Variants in SEC24A observed in about 807,000 individuals in gnomAD.
The protein encoded by SEC24A is SEC24 homolog A, COPII component.
SEC24A carries 93 observed loss-of-function variants against 129.4 expected under a neutral mutation model. The observed-to-expected ratio is 0.72, with a 90% CI of 0.61 to 0.85. The LOEUF is 0.85. Ranked by LOEUF, SEC24A falls within the 40% of genes least tolerant of loss-of-function variation. The pLI, the probability that SEC24A is intolerant of heterozygous loss-of-function variation, is 0.00. For missense variants in SEC24A, 1,264 were observed against 1,307.4 expected (o/e 0.97, Z 0.51); for synonymous variants, 460 against 467.3 (o/e 0.98, Z 0.20).
Position 134,725,945 on chromosome 5 carries a change from A to G in SEC24A, c.*851A>G, listed in dbSNP as rs1386172765. The G allele has an allele frequency of 1.3e-5, 2 of 152,204 alleles. No homozygotes were observed. Among genetic ancestry groups the G allele is most frequent in the Non-Finnish European group, 2.9e-5 (2 of 67,960 alleles). 9.4% of individuals were successfully genotyped at this position (152,204 alleles called of 1,614,324 possible). ...GCATTTCTGCTCTGGGTATATAATAAAAGTGGGGGTTTTTGGTGAAATGAG... is the reference window on the plus strand; with the variant it reads ...GCATTTCTGCTCTGGGTATATAATAGAAGTGGGGGTTTTTGGTGAAATGAG... On this transcript the variant is annotated 3_prime_UTR_variant, in exon 23 of 23. Transcript: ENST00000398844.
At position 134,686,850 on chromosome 5, in the gene SEC24A, G is replaced by C. The variant is rs200409503; in HGVS notation, c.1552G>C (p.Glu518Gln). 20 of 1,611,010 alleles carry C rather than the reference G, an allele frequency of 1.2e-5. No individual in the cohort carries two copies. Among genetic ancestry groups the C allele is most frequent in the Non-Finnish European group, 1.4e-5 (16 of 1,178,686 alleles). Residue 518 changes from glutamate (E) to glutamine (Q), a missense_variant, in exon 10 of 23, where the codon GAA becomes CAA. Coordinates refer to ENST00000398844, the MANE Select transcript of SEC24A (RefSeq NM_021982.3). ...ATTTGATGTGTCTCACAATGCAGTCGAAACTGGATACTTGAATTCAGTTTG... is the reference window on the plus strand; with the variant it reads ...ATTTGATGTGTCTCACAATGCAGTCCAAACTGGATACTTGAATTCAGTTTG... ...FVFDVSHNAV[E>Q]TGYLNSVCQS...
In SEC24A at chr5:134,724,926, A is replaced by G. The variant is rs1752723340; in HGVS notation, c.3168-54A>G. The stretch of plus-strand genomic sequence containing the variant: ...ATGAGGAAATCAAAAGCCTTCTGAC[A>G]AGTCTATTTTACTGCTACATTTTAT... On this transcript the variant is annotated intron_variant, in intron 22 of 22. Coordinates refer to ENST00000398844, the MANE Select transcript of SEC24A (RefSeq NM_021982.3). The G allele has an allele frequency of 5.9e-6, 5 of 844,170 alleles. 1 individual carries two copies. The highest frequency in any genetic ancestry group is 1.0e-5 in the Non-Finnish European group (5 of 488,922). The allele number at this position is 844,170 out of a possible 1,614,324, so 52.3% of individuals were successfully genotyped here.
chr5:134,693,834 A>G lies in SEC24A; in HGVS notation c.1887A>G (p.Pro629=). The part of the protein sequence containing the change: ...ALQAAFKLMS[P]TGGRMSVFQT... ...AGGCTGCCTTTAAGCTGATGTCTCC[A>G]ACTGGTGGTCGAATGTCTGTCTTTC... is the stretch of plus-strand genomic sequence containing the variant. The change falls in exon 13 of 23, where the codon CCA becomes CCG. Residue 629 remains proline, a synonymous_variant. Transcript: ENST00000398844. The G allele has an allele frequency of 6.2e-7, 1 of 1,614,136 alleles. No individual in the cohort carries two copies. Among genetic ancestry groups the G allele is most frequent in the Non-Finnish European group, 8.5e-7 (1 of 1,180,022 alleles).
At chr5:134,683,397 T>A (rs930930801) in intron 9 of SEC24A, among the ~76,000 whole-genome samples, 1 of 152,218 alleles carries the variant, frequency 6.6e-6, no homozygotes, top group African/African-American at 2.4e-5. Flanking sequence ...ATTTTTTTTC[T>A]ATTAGAAATA....
intron 1 of SEC24A, among the ~76,000 whole-genome samples, chr5:134,656,653 G>C (rs1360395346): frequency 1.3e-5 from 2 of 151,428 alleles, no homozygotes; most frequent in Non-Finnish European, 2.9e-5. Flanking sequence ...GCTAATTTTT[G>C]TATTTTAGTA....
chr5:134,703,778 C>A lies in SEC24A; in HGVS notation c.2286C>A (p.Phe762Leu), dbSNP rs1267207191. 2.5e-6 allele frequency: 4 copies of A among 1,611,348 alleles called. No homozygotes were observed. In the African/African-American group the frequency reaches 4.0e-5, roughly 16 times the overall value. ...TTCTAGGTCTTTCCATTCATACTTT[C>A]CATGGAAACTTCTTTGTTAGGTCAA... is the stretch of plus-strand genomic sequence containing the variant. ...RCTKGLSIHT[F>L]HGNFFVRSTD... Residue 762 changes from phenylalanine to leucine, a missense_variant, in exon 16 of 23, where the codon TTC becomes TTA. Phe to Leu is a conservative substitution (Grantham distance 22). Coordinates refer to ENST00000398844, the MANE Select transcript of SEC24A (RefSeq NM_021982.3).
chr5:134,649,520 A>G (rs1749976261), intron 1 of SEC24A, among the ~76,000 whole-genome samples: 1 of 152,082 alleles, frequency 6.6e-6, no homozygotes, highest in South Asian at 2.1e-4. Context: ...CCAGTCTCCT[A>G]GAGAGCAGGA....
intron 18 of SEC24A, among the ~76,000 whole-genome samples, chr5:134,711,632 G>A (rs1206754547): frequency 6.8e-6 from 1 of 146,798 alleles, no homozygotes; most frequent in African/African-American, 2.5e-5. Flanking sequence ...TGGCGATCTC[G>A]GCTCACTACG....
intron 3 of SEC24A, among the ~76,000 whole-genome samples, chr5:134,668,502 G>A (rs1750744183): frequency 6.6e-6 from 1 of 152,160 alleles, no homozygotes; most frequent in Admixed American, 6.6e-5. Flanking sequence ...GAGGTGGGCG[G>A]ATCACCTAAG....
chr5:134,714,850 A>G (rs950881046), intron 18 of SEC24A, among the ~76,000 whole-genome samples, 174 bp from the exon 19 acceptor site: 4 of 152,254 alleles, frequency 2.6e-5, no homozygotes, highest in Admixed American at 6.5e-5. Flanking sequence ...AGGTGGGGCT[A>G]TAGCTACAGT....
intron 17 of SEC24A, among the ~76,000 whole-genome samples, chr5:134,706,167 G>A (rs1308777679): frequency 6.6e-6 from 1 of 152,080 alleles, no homozygotes; most frequent in South Asian, 2.1e-4. Context: ...GATTACAGGC[G>A]TGAGCCACCG....
At chr5:134,681,468 G>GTGTGTGTT (rs1554138990) in intron 8 of SEC24A, among the ~76,000 whole-genome samples, 5 of 152,092 alleles carry the variant, frequency 3.3e-5, no homozygotes, top group African/African-American at 1.2e-4. Flanking sequence ...GTGTGTGTGT[G>GTGTGTGTT]TGTGTGTGTG....
chr5:134,650,065 A>G (rs541487091), intron 1 of SEC24A, among the ~76,000 whole-genome samples: 1 of 152,310 alleles, frequency 6.6e-6, no homozygotes, highest in South Asian at 2.1e-4. Context: ...GAAGTTGGAG[A>G]ATACAGACAG....
chr5:134,677,833 CAAA>C (rs112969795), intron 7 of SEC24A, among the ~76,000 whole-genome samples: 3 of 111,438 alleles, frequency 2.7e-5, no homozygotes, highest in Non-Finnish European at 5.8e-5. Flanking sequence ...GAGACTGTCT[CAAA>C]AAAAAAAAAA....
chr5:134,671,833 G>A lies in SEC24A; in HGVS notation c.764G>A (p.Gly255Glu). 2 of 1,606,880 alleles carry A rather than the reference G, an allele frequency of 1.2e-6. No homozygotes were observed. Among genetic ancestry groups the A allele is most frequent in the Non-Finnish European group, 1.7e-6 (2 of 1,176,866 alleles). Residue 255 changes from glycine (G) to glutamate (E), a missense_variant, in exon 4 of 23, where the codon GGA (glycine) becomes GAA (glutamate). Transcript: ENST00000398844. ...QEGITSNTNN[G>E]SMVVHSSYDE... ...GGTATTACATCAAATACCAATAACG[G>A]ATCTATGGTGGTCCACAGTAGTTAC...
At chr5:134,657,021 CAA>C (rs756345015) in intron 1 of SEC24A, among the ~76,000 whole-genome samples, 1 of 151,226 alleles carries the variant, frequency 6.6e-6, no homozygotes, top group Non-Finnish European at 1.5e-5. Flanking sequence ...CCCATCTCTA[CAA>C]AAAAATTTAA....
intron 13 of SEC24A, among the ~76,000 whole-genome samples, chr5:134,696,271 CA>C (rs900609545): frequency 1.4e-5 from 2 of 147,366 alleles, no homozygotes; most frequent in East Asian, 2.0e-4. Flanking sequence ...ACTCCCATCT[CA>C]AAAAAAAAGA....
In SEC24A at chr5:134,692,665, A is replaced by C. The variant is rs1036823914; in HGVS notation, c.1779+8A>C. ...TTAAATGAAAGTAAAGAGGTAAGGC[A>C]CATTTTCCTACCTGACATGTTTAAT... On this transcript the variant is annotated splice_region_variant and intron_variant, in intron 12 of 22. Transcript: ENST00000398844. 2.8e-6 allele frequency: 4 copies of C among 1,403,930 alleles called. No individual in the cohort carries two copies. The African/African-American group carries it at 4.3e-5, about 15-fold the overall frequency. The allele number at this position is 1,403,930 out of a possible 1,614,324, so 87.0% of individuals were successfully genotyped here.
At position 134,718,119 on chromosome 5, in the gene SEC24A, G is replaced by T. The variant is rs758128399; in HGVS notation, c.2916G>T (p.Gln972His). ...DRTIPQPPIL[Q>H]LSVEKLSRDG... ...CCATACCTCAGCCCCCCATTCTTCA[G>T]CTTTCAGTGGAGAAGCTGAGCAGAG... is the stretch of plus-strand genomic sequence containing the variant. The change falls in exon 20 of 23, where the codon CAG becomes CAT. Residue 972 changes from glutamine to histidine, a missense_variant. By Grantham distance (24) the Gln-to-His change is conservative (BLOSUM62 0). Coordinates refer to ENST00000398844, the MANE Select transcript of SEC24A (RefSeq NM_021982.3). The T allele has an allele frequency of 2.3e-5, 37 of 1,613,964 alleles. No homozygotes were observed. The highest frequency in any genetic ancestry group is 3.0e-5 in the Non-Finnish European group (35 of 1,180,018).
Sources: gnomAD v4.1 joint callset for allele counts (sites outside exome capture counted in the v4.1 genomes callset) on GRCh38, gnomAD v4.1.1 for gene constraint, MANE v1.5 for transcripts, NCBI Gene and HGNC (gene_info 2026-07-23, HGNC 2026-07-21) for gene names.